ETAA1: variants seen among roughly 807,000 people sequenced by gnomAD.
ETAA1 encodes the protein ETAA1 activator of ATR kinase.
A neutral mutation model predicts 76.8 loss-of-function variants in ETAA1; 49 were observed. That is an observed-to-expected ratio of 0.64 (90% confidence interval 0.51 to 0.81). The LOEUF is 0.81. Ranked by LOEUF, ETAA1 falls within the 30% of genes least tolerant of loss-of-function variation. The pLI is 0.00. For synonymous variants in ETAA1, 373 were observed against 372.2 expected, an observed-to-expected ratio of 1.00 and a Z score of -0.03; for missense variants, 1,099 against 1,074.0, an observed-to-expected ratio of 1.02 and a Z score of -0.32.
intron 3 of ETAA1, chr2:67,401,659 A>T (rs970948899): frequency 1.3e-5 from 2 of 151,970 alleles, no homozygotes; most frequent in Admixed American, 1.3e-4. Context: ...TTGGGTACAT[A>T]AAGTCATAAT....
Position 67,397,357 on chromosome 2 carries a change from T to TGGTGCGG in ETAA1, c.-84_-78dup. ...CACCGACCAAAATGGCGGCTGCCGT[T>TGGTGCGG]GGTGCGGGGTGCGGTTTGTAGTGCT... On this transcript the variant is annotated 5_prime_UTR_variant, in exon 1 of 6. The change abolishes the stop of an existing upstream ORF in the 5' untranslated region. Coordinates refer to ENST00000272342, the MANE Select transcript of ETAA1 (RefSeq NM_019002.4). The TGGTGCGG allele has an allele frequency of 7.5e-7, 1 of 1,337,372 alleles. No homozygotes were observed. The highest frequency in any genetic ancestry group is 1.0e-6 in the Non-Finnish European group (1 of 954,932). 82.8% of individuals were successfully genotyped at this position (1,337,372 alleles called of 1,614,324 possible).
intron 5 of ETAA1, among the ~76,000 whole-genome samples, chr2:67,405,856 A>G (rs1178789089): frequency 6.6e-6 from 1 of 152,112 alleles, no homozygotes. Flanking sequence ...GATAACAGCT[A>G]TCATTTCTGA....
chr2:67,407,355 G>A (rs750850232), intron 5 of ETAA1, among the ~76,000 whole-genome samples: 5 of 151,924 alleles, frequency 3.3e-5, no homozygotes, highest in African/African-American at 4.8e-5. Flanking sequence ...GGTAGCTTGC[G>A]GGCTGCGGGT....
rs1233205383 is a variant in ETAA1 at position 67,410,967 on chromosome 2, T to G, written c.*929T>G. 3 of 152,138 alleles carry G rather than the reference T, an allele frequency of 2.0e-5. No homozygotes were observed. The highest frequency in any genetic ancestry group is 4.4e-5 in the Non-Finnish European group (3 of 67,984). The allele number at this position is 152,138 out of a possible 1,614,324, so 9.4% of individuals were successfully genotyped here. On this transcript the variant is annotated 3_prime_UTR_variant, in exon 6 of 6. Coordinates refer to ENST00000272342, the MANE Select transcript of ETAA1 (RefSeq NM_019002.4). ...AAGGACTGTTTGATAATAATGCTCA[T>G]TGTTCCTTATTTTGCTTTAAAGAAT...
chr2:67,406,245 G>C (rs1422063088), intron 5 of ETAA1, among the ~76,000 whole-genome samples: 2 of 152,064 alleles, frequency 1.3e-5, no homozygotes, highest in African/African-American at 4.8e-5. Context: ...TTCAAACAGT[G>C]TATGTTTTTC....
Position 67,397,366 on chromosome 2 carries a change from G to T in ETAA1, c.-83G>T, listed in dbSNP as rs950323698. ...AAATGGCGGCTGCCGTTGGTGCGGG[G>T]TGCGGTTTGTAGTGCTGTTGCCCTA... On this transcript the variant is annotated 5_prime_UTR_variant, in exon 1 of 6. Coordinates refer to ENST00000272342, the MANE Select transcript of ETAA1 (RefSeq NM_019002.4). 13 of 1,400,734 alleles carry T rather than the reference G, an allele frequency of 9.3e-6. No homozygotes were observed. Among genetic ancestry groups the T allele is most frequent in the South Asian group, 8.7e-5 (7 of 80,646 alleles). 86.8% of individuals were successfully genotyped at this position (1,400,734 alleles called of 1,614,324 possible). A position where few individuals can be genotyped will look rare whatever the true frequency, so the allele number is the denominator to read the frequency against.
At chr2:67,408,465 T>G (rs1352050994) in intron 5 of ETAA1, among the ~76,000 whole-genome samples, 1 of 152,070 alleles carries the variant, frequency 6.6e-6, no homozygotes, top group East Asian at 1.9e-4. Context: ...TTTGCTACAG[T>G]GGTACAGGTG....
intron 1 of ETAA1, among the ~76,000 whole-genome samples, chr2:67,398,407 CTCA>C (rs1329536816): frequency 4.7e-5 from 7 of 149,976 alleles, no homozygotes; most frequent in African/African-American, 1.7e-4. Context: ...ACAATCTCGG[CTCA>C]CTGCAACCTC....
At position 67,403,898 on chromosome 2, in the gene ETAA1, A is replaced by G. The variant is rs1175231758; in HGVS notation, c.1216A>G (p.Lys406Glu). 1.2e-6 allele frequency: 2 copies of G among 1,612,926 alleles called. No homozygotes were observed. Among genetic ancestry groups the G allele is most frequent in the Non-Finnish European group, 1.7e-6 (2 of 1,179,506 alleles). The change falls in exon 5 of 6, where the codon AAA becomes GAA. Residue 406 changes from lysine to glutamate, a missense_variant. Physicochemically the swap from Lys to Glu is moderately conservative, Grantham distance 56. Coordinates refer to ENST00000272342, the MANE Select transcript of ETAA1 (RefSeq NM_019002.4). ...CGACATGCCTGAACTCTTTCCTTCT[A>G]AAACAGCCCATGTTACTGATCAAAA... ...NIDMPELFPS[K>E]TAHVTDQKEI...
At chr2:67,407,143 C>T (rs1676242113) in intron 5 of ETAA1, among the ~76,000 whole-genome samples, 1 of 151,720 alleles carries the variant, frequency 6.6e-6, no homozygotes. Context: ...AAATAATTCT[C>T]TACACCCAAG....
Position 67,404,163 on chromosome 2 carries a change from T to A in ETAA1, c.1481T>A (p.Ile494Asn). Residue 494 changes from isoleucine to asparagine, a missense_variant, in exon 5 of 6, where the codon ATT (isoleucine) becomes AAT (asparagine). Around this residue, in one of 3 missense-constraint regions of ETAA1, gnomAD observed 761 missense variants for 731.9 expected, o/e 1.04. Transcript: ENST00000272342. ...SSNKIVIQDE[I>N]QNCIVTSNLT... ...AATAAAATTGTTATTCAAGACGAAA[T>A]TCAAAATTGTATAGTTACATCTAAT... The A allele has an allele frequency of 1.3e-6, 2 of 1,596,908 alleles. No homozygotes were observed. Among genetic ancestry groups the A allele is most frequent in the Non-Finnish European group, 1.7e-6 (2 of 1,173,862 alleles).
chr2:67,405,079 A>G lies in ETAA1; in HGVS notation c.2397A>G (p.Pro799=), dbSNP rs1251012573. 9.9e-6 allele frequency: 16 copies of G among 1,612,450 alleles called. No homozygotes were observed. The highest frequency in any genetic ancestry group is 1.3e-5 in the Non-Finnish European group (15 of 1,179,224). ...AGAAGAAATTGAGTACTAATCAGCC[A>G]TGCCATAAGACTGTAACAGATGAAG... ...TYKKKLSTNQ[P]CHKTVTDEAQ... Residue 799 remains proline (P), a synonymous_variant, in exon 5 of 6, where the codon CCA becomes CCG. Transcript: ENST00000272342.
In ETAA1 at chr2:67,410,645, A is replaced by G. The variant is rs1280466163; in HGVS notation, c.*607A>G. ...ATATTTAGGAAAACTTTGATTTTAGAAGTCTAACATAGAGGAAAAGAAGTA... is the reference window on the plus strand; with the variant it reads ...ATATTTAGGAAAACTTTGATTTTAGGAGTCTAACATAGAGGAAAAGAAGTA... On this transcript the variant is annotated 3_prime_UTR_variant, in exon 6 of 6. Transcript: ENST00000272342. The G allele has an allele frequency of 6.6e-6, 1 of 152,114 alleles. No homozygotes were observed. Among genetic ancestry groups the G allele is most frequent in the Non-Finnish European group, 1.5e-5 (1 of 68,014 alleles). The allele number at this position is 152,114 out of a possible 1,614,324, so 9.4% of individuals were successfully genotyped here. A position where few individuals can be genotyped will look rare whatever the true frequency, so the allele number is the denominator to read the frequency against.
chr2:67,403,593 C>T lies in ETAA1; in HGVS notation c.911C>T (p.Ala304Val). ...SGQLSQELPE[A>V]FWSTSNTTFV... ...CAGTTAAGCCAAGAACTGCCAGAGG[C>T]TTTTTGGAGCACCAGTAATACTACC... The change falls in exon 5 of 6, where the codon GCT becomes GTT. Residue 304 changes from alanine (A) to valine (V), a missense_variant. Physicochemically the swap from Ala to Val is moderately conservative, Grantham distance 64. Coordinates refer to ENST00000272342, the MANE Select transcript of ETAA1 (RefSeq NM_019002.4). 3 of 1,613,276 alleles carry T rather than the reference C, an allele frequency of 1.9e-6. No homozygotes were observed. The highest frequency in any genetic ancestry group is 2.5e-6 in the Non-Finnish European group (3 of 1,179,378).
Position 67,405,331 on chromosome 2 carries a change from A to T in ETAA1, c.2649A>T (p.Ser883=), listed in dbSNP as rs780571477. 24 of 1,531,474 alleles carry T rather than the reference A, an allele frequency of 1.6e-5. No homozygotes were observed. Among genetic ancestry groups the T allele is most frequent in the Non-Finnish European group, 1.9e-5 (22 of 1,143,196 alleles). 94.9% of individuals were successfully genotyped at this position (1,531,474 alleles called of 1,614,324 possible). A position where few individuals can be genotyped will look rare whatever the true frequency, so the allele number is the denominator to read the frequency against. Residue 883 remains serine, a synonymous_variant, in exon 5 of 6, where the codon TCA becomes TCT. Transcript: ENST00000272342. The part of the protein sequence containing the change: ...VKLSESLKQS[S]KEEEEKNRKC... The stretch of plus-strand genomic sequence containing the variant: ...TTTCTGAATCTTTGAAACAATCTTC[A>T]AAAGGTATGTATGAAATATGAAATA...
Position 67,405,107 on chromosome 2 carries a change from CAG to C in ETAA1, c.2428_2429del (p.Ser810GlnfsTer3). On this transcript the variant is annotated frameshift_variant, in exon 5 of 6. Transcript: ENST00000272342. LOFTEE classifies it high-confidence loss of function. ...CCATAAGACTGTAACAGATGAAGCT[CAG>C]AGCAACCTTAACACAACAGTTGGAT... ...PCHKTVTDEA[Q>X]SNLNTTVGFS... 6.2e-7 allele frequency: 1 copy of C among 1,612,586 alleles called. No homozygotes were observed. Among genetic ancestry groups the C allele is most frequent in the Non-Finnish European group, 8.5e-7 (1 of 1,179,194 alleles).
intron 5 of ETAA1, 54 bp downstream of exon 5, chr2:67,405,389 AAAT>A (rs1676189766): frequency 2.2e-6 from 3 of 1,372,324 alleles, no homozygotes; most frequent in South Asian, 3.2e-5. Flanking sequence ...AAAAGTAGTA[AAAT>A]AATTATTTGT....
Position 67,397,524 on chromosome 2 carries a change from T to A in ETAA1, c.76T>A (p.Cys26Ser). The A allele has an allele frequency of 6.3e-7, 1 of 1,591,440 alleles. No individual in the cohort carries two copies. The highest frequency in any genetic ancestry group is 2.3e-5 in the East Asian group (1 of 43,718). Residue 26 changes from cysteine to serine, a missense_variant, in exon 1 of 6, where the codon TGC becomes AGC. Around this residue, in one of 3 missense-constraint regions of ETAA1, gnomAD observed 761 missense variants for 731.9 expected, o/e 1.04. Transcript: ENST00000272342. ...GCACAAAACAGTGGCGGCGGAGGAA[T>A]GCGGCTCGGTGGTCGAGCCAGGGAG... The part of the protein sequence containing the change: ...TPHKTVAAEE[C>S]GSVVEPGRRR...
chr2:67,406,197 CCTA>C (rs1261064528), intron 5 of ETAA1, among the ~76,000 whole-genome samples: 1 of 152,130 alleles, frequency 6.6e-6, no homozygotes, highest in African/African-American at 2.4e-5. Flanking sequence ...TTTTTCCTTA[CCTA>C]CTAAGCTTCA....
Sources: allele counts gnomAD v4.1 joint callset (sites outside exome capture counted in the v4.1 genomes callset), GRCh38; gene constraint gnomAD v4.1.1; regional missense constraint gnomAD v4.1.1; transcripts MANE v1.5; gene names NCBI Gene and HGNC (gene_info 2026-07-23, HGNC 2026-07-21).